The following LIN54 variants were observed in gnomAD, a reference collection of about 807,000 sequenced individuals.
LIN54 encodes the protein protein lin-54 homolog.
A neutral mutation model predicts 78.7 loss-of-function variants in LIN54; 9 were observed. That is an observed-to-expected ratio of 0.11 (90% CI 0.07 to 0.20). The LOEUF is 0.20. LIN54 is among the 10% of genes least tolerant of loss of function. LIN54 has a pLI of 1.00. For synonymous variants in LIN54, 269 were observed against 318.4 expected, an observed-to-expected ratio of 0.84 and a Z score of 1.65; for missense variants, 573 against 889.9, an observed-to-expected ratio of 0.64 and a Z score of 4.53.
intron 5 of LIN54, among the ~76,000 whole-genome samples, chr4:82,940,495 C>T (rs1188374186): frequency 2.6e-5 from 4 of 152,090 alleles, no homozygotes; most frequent in Non-Finnish European, 5.9e-5. Context: ...CAGGTTCAAG[C>T]GATTCTTGTG....
intron 1 of LIN54, among the ~76,000 whole-genome samples, chr4:82,986,490 G>A (rs956762997): frequency 6.6e-6 from 1 of 151,848 alleles, no homozygotes. Context: ...CAGATCACAA[G>A]GTCAAGAGAT....
At chr4:82,928,837 A>G (rs1721702388) in intron 12 of LIN54, among the ~76,000 whole-genome samples, 1 of 152,260 alleles carries the variant, frequency 6.6e-6, no homozygotes, top group Non-Finnish European at 1.5e-5. Flanking sequence ...AAAATTCTGC[A>G]TCGTTCTAGC....
chr4:82,951,626 A>G (rs951340947), intron 4 of LIN54, among the ~76,000 whole-genome samples: 2 of 152,214 alleles, frequency 1.3e-5, no homozygotes, highest in African/African-American at 4.8e-5. Context: ...AAAAGTGGGC[A>G]TCTCAAATCA....
At position 82,992,829 on chromosome 4, in the gene LIN54, C is replaced by A. The variant is rs555511201; in HGVS notation, c.-32-7953G>T. ...GGATCACGAGGTCAGGAGATTGAGA[C>A]CATCCTGGTTAACACGGTGAAACCC... On this transcript the variant is annotated intron_variant, in intron 1 of 12. Transcript: ENST00000340417. Among the ~76,000 whole-genome samples, 809 of 151,598 alleles carry A rather than the reference C, an allele frequency of 5.3e-3. 6 individuals carry two copies. The highest frequency in any genetic ancestry group is 7.5e-3 in the Non-Finnish European group (508 of 67,670).
chr4:82,967,886 C>A (rs4693536), intron 4 of LIN54, among the ~76,000 whole-genome samples: 151,835 of 152,300 alleles, frequency 1, 75,685 homozygotes, highest in Non-Finnish European at 1. Context: ...TGAAGAGTGA[C>A]GAAACAGATC....
rs34722830 is a variant in LIN54 at position 83,004,398 on chromosome 4, CAA to C, written c.-33+6084_-33+6085del. Among the ~76,000 whole-genome samples, 71 of 100,914 alleles carry C rather than the reference CAA, an allele frequency of 7.0e-4. 1 individual carries two copies. The highest frequency in any genetic ancestry group is 1.4e-3 in the Admixed American group (12 of 8,534). 66.2% of individuals were successfully genotyped at this position (100,914 alleles called of 152,430 possible). On this transcript the variant is annotated intron_variant, in intron 1 of 12. Transcript: ENST00000340417. ...TGGGTGACAGAGTGAGACTCCGTTG[CAA>C]AAAAAAAAAAAAAAAAGAAAGAAAG...
At chr4:82,954,215 T>TA (rs1426509484) in intron 4 of LIN54, among the ~76,000 whole-genome samples, 1 of 151,988 alleles carries the variant, frequency 6.6e-6, no homozygotes, top group Non-Finnish European at 1.5e-5. Flanking sequence ...AAACATTATA[T>TA]AGAACAAACC....
At chr4:82,941,149 G>GAT (rs3081913) in intron 5 of LIN54, among the ~76,000 whole-genome samples, 19,281 of 130,986 alleles carry the variant, frequency 0.15, 1,665 homozygotes, top group East Asian at 0.26. Flanking sequence ...GAGTTAAGAG[G>GAT]ATATATATAT....
chr4:82,988,168 T>C (rs1404499681), intron 1 of LIN54, among the ~76,000 whole-genome samples: 2 of 152,226 alleles, frequency 1.3e-5, no homozygotes, highest in Non-Finnish European at 2.9e-5. Flanking sequence ...TTTGGCCACA[T>C]AAATGTTTCT....
intron 5 of LIN54, among the ~76,000 whole-genome samples, chr4:82,945,592 C>T (rs1723289772): frequency 1.3e-5 from 2 of 152,020 alleles, no homozygotes; most frequent in South Asian, 4.2e-4. Flanking sequence ...CTCCCAGGTT[C>T]GAGCAATTCT....
At chr4:82,989,426 A>C (rs1727472975) in intron 1 of LIN54, among the ~76,000 whole-genome samples, 1 of 152,210 alleles carries the variant, frequency 6.6e-6, no homozygotes. Flanking sequence ...CAGCAATGAC[A>C]ATCACAACAA....
At chr4:82,998,552 A>G (rs1250053382) in intron 1 of LIN54, among the ~76,000 whole-genome samples, 1 of 151,046 alleles carries the variant, frequency 6.6e-6, no homozygotes, top group African/African-American at 2.4e-5. Flanking sequence ...AAAAGAAAGA[A>G]AGGAAGGAAG....
chr4:83,010,416 C>T, intron 1 of LIN54, 68 bp downstream of exon 1: 1 of 200,526 alleles, frequency 5.0e-6, no homozygotes, highest in Non-Finnish European at 9.1e-6. Context: ...TTTCCCCACC[C>T]ACCCCCATCC....
chr4:82,964,926 A>C (rs4693535), intron 4 of LIN54, among the ~76,000 whole-genome samples: 63,381 of 151,974 alleles, frequency 0.42, 16,609 homozygotes, highest in Admixed American at 0.58. Flanking sequence ...TGAACCCGGG[A>C]GGCAGAGGTT....
intron 3 of LIN54, among the ~76,000 whole-genome samples, chr4:82,978,579 T>C (rs1726363777): frequency 1.3e-5 from 2 of 152,204 alleles, no homozygotes; most frequent in Non-Finnish European, 2.9e-5. Context: ...AGTCACTATA[T>C]GTAAAGGGCT....
intron 4 of LIN54, among the ~76,000 whole-genome samples, chr4:82,947,235 A>ATATATATATTTTTTTTTTTT: frequency 2.3e-5 from 1 of 44,292 alleles, no homozygotes; most frequent in African/African-American, 1.0e-4. Context: ...ATATATATAT[A>ATATATATATTTTTTTTTTTT]TTTTTTTTTT....
At position 83,010,628 on chromosome 4, in the gene LIN54, T is replaced by C; in HGVS notation, c.-177A>G. Reference sequence around the variant, plus strand: ...GCTTCCTTTCCCAGTTTGTCCAAACTGGAGCGCTCCAGGGTACCCGGGGAC... The same window carrying C: ...GCTTCCTTTCCCAGTTTGTCCAAACCGGAGCGCTCCAGGGTACCCGGGGAC... On this transcript the variant is annotated 5_prime_UTR_variant, in exon 1 of 13. Transcript: ENST00000340417. 3 of 1,230,268 alleles carry C rather than the reference T, an allele frequency of 2.4e-6. No homozygotes were observed. The highest frequency in any genetic ancestry group is 3.0e-6 in the Non-Finnish European group (3 of 986,818). The allele number at this position is 1,230,268 out of a possible 1,614,324, so 76.2% of individuals were successfully genotyped here. A position where few individuals can be genotyped will look rare whatever the true frequency, so the allele number is the denominator to read the frequency against.
chr4:82,944,498 C>G (rs1191196572), intron 5 of LIN54, among the ~76,000 whole-genome samples: 2 of 151,824 alleles, frequency 1.3e-5, no homozygotes, highest in African/African-American at 4.8e-5. Flanking sequence ...TTCATTTTTC[C>G]CCTCATTAAG....
At chr4:82,935,810 C>A (rs1722350670) in intron 11 of LIN54, among the ~76,000 whole-genome samples, 171 bp downstream of exon 11, 1 of 152,150 alleles carries the variant, frequency 6.6e-6, no homozygotes, top group Non-Finnish European at 1.5e-5. Context: ...TCCTCCGAAG[C>A]CCTGCTACAG....
Sources: allele counts gnomAD v4.1 joint callset (sites outside exome capture counted in the v4.1 genomes callset), GRCh38; gene constraint gnomAD v4.1.1; transcripts MANE v1.5; gene names NCBI Gene and HGNC (gene_info 2026-07-23, HGNC 2026-07-21).